Variants in CSMD1 observed in about 807,000 individuals in gnomAD.
The protein encoded by CSMD1 is CUB and Sushi multiple domains 1.
A neutral mutation model predicts 417.5 loss-of-function variants in CSMD1; 213 were observed. The observed-to-expected ratio is 0.51, with a 90% CI of 0.46 to 0.57. The LOEUF is 0.57. CSMD1 is among the 20% of genes least tolerant of loss of function. The probability of loss-of-function intolerance (pLI) is 0.00; values close to 1 mark genes in which losing one functional copy is unlikely to be tolerated. For missense variants in CSMD1, 6,923 were observed against 4,529.7 expected, an observed-to-expected ratio of 1.53 and a Z score of -15.17; for synonymous variants, 2,862 against 1,736.8, an observed-to-expected ratio of 1.65 and a Z score of -16.11.
chr8:4,834,487 A>T (rs114599091), intron 1 of CSMD1, among the ~76,000 whole-genome samples: 2,069 of 152,290 alleles, frequency 0.014, 37 homozygotes, highest in African/African-American at 0.047. Context: ...CAGGCAGTGA[A>T]GTTCGAGCTG....
intron 7 of CSMD1, among the ~76,000 whole-genome samples, chr8:3,689,090 A>G (rs1754733844): frequency 1.3e-5 from 2 of 152,192 alleles, no homozygotes; most frequent in African/African-American, 4.8e-5. Context: ...CCAACTCATC[A>G]TAAAATGAGA....
In CSMD1 at chr8:3,391,663, A is replaced by C. The variant is rs190303008; in HGVS notation, c.2594-3981T>G. On this transcript the variant is annotated intron_variant, in intron 17 of 69. Coordinates refer to ENST00000635120, the MANE Select transcript of CSMD1 (RefSeq NM_033225.6). ...CTCAAAAAAATGACTTCAACCTTTGAGCCACACAATTCAGAAAGGCCTTCT... is the reference window on the plus strand; with the variant it reads ...CTCAAAAAAATGACTTCAACCTTTGCGCCACACAATTCAGAAAGGCCTTCT... Among the ~76,000 whole-genome samples, 215 of 152,298 alleles carry C rather than the reference A, an allele frequency of 1.4e-3. 1 individual carries two copies. Among genetic ancestry groups the C allele is most frequent in the Middle Eastern group, 6.8e-3 (2 of 292 alleles).
At chr8:4,338,660 G>T (rs964392727) in intron 3 of CSMD1, among the ~76,000 whole-genome samples, 2 of 151,994 alleles carry the variant, frequency 1.3e-5, no homozygotes, top group African/African-American at 4.8e-5. Context: ...TGTGCTCACG[G>T]GTGAGTCAGA....
intron 3 of CSMD1, among the ~76,000 whole-genome samples, chr8:4,204,069 C>T (rs1030979822): frequency 4.6e-5 from 7 of 152,102 alleles, no homozygotes; most frequent in Non-Finnish European, 8.8e-5. Context: ...CCACTGTACT[C>T]CAGCCTGGGT....
chr8:2,955,019 C>G (rs1468300677), intron 64 of CSMD1, among the ~76,000 whole-genome samples: 1 of 152,194 alleles, frequency 6.6e-6, no homozygotes, highest in Non-Finnish European at 1.5e-5. Flanking sequence ...ATCGTCAAAT[C>G]TGACCCAGGC....
At chr8:3,938,825 A>G (rs1006924243) in intron 5 of CSMD1, among the ~76,000 whole-genome samples, 1 of 152,166 alleles carries the variant, frequency 6.6e-6, no homozygotes, top group African/African-American at 2.4e-5. Context: ...TTTAGCTAAC[A>G]TATCTTTATT....
intron 1 of CSMD1, among the ~76,000 whole-genome samples, chr8:4,658,878 T>C (rs1451155069): frequency 6.6e-6 from 1 of 152,144 alleles, no homozygotes. Flanking sequence ...TCTAGAGCTA[T>C]ATAGGAGCAC....
intron 12 of CSMD1, among the ~76,000 whole-genome samples, chr8:3,415,967 T>C (rs778925449): frequency 6.6e-6 from 1 of 152,190 alleles, no homozygotes; most frequent in East Asian, 1.9e-4. Context: ...GAGTAGCCAC[T>C]AGCTACAGTG....
chr8:3,661,777 C>A (rs1435786834), intron 7 of CSMD1, among the ~76,000 whole-genome samples: 4 of 152,104 alleles, frequency 2.6e-5, no homozygotes, highest in African/African-American at 9.6e-5. Context: ...GGTGACAGGC[C>A]TGAGCCACCA....
At chr8:3,031,253 G>T (rs1371389503) in intron 50 of CSMD1, among the ~76,000 whole-genome samples, 1 of 141,206 alleles carries the variant, frequency 7.1e-6, no homozygotes, top group African/African-American at 2.6e-5. Context: ...TCATAGGTGG[G>T]AATTGAACAA....
intron 12 of CSMD1, among the ~76,000 whole-genome samples, chr8:3,427,187 T>A (rs1813899903): frequency 6.6e-6 from 1 of 152,180 alleles, no homozygotes. Flanking sequence ...GGGTGCAGAC[T>A]CAGCCAAACT....
At chr8:3,618,700 C>T (rs111837529) in intron 7 of CSMD1, among the ~76,000 whole-genome samples, 30 of 152,136 alleles carry the variant, frequency 2.0e-4, no homozygotes, top group African/African-American at 5.8e-4. Flanking sequence ...TTTACAGGAG[C>T]GCTAAATGAC....
At chr8:4,987,605 T>C (rs899552819) in intron 1 of CSMD1, among the ~76,000 whole-genome samples, 11 of 152,212 alleles carry the variant, frequency 7.2e-5, no homozygotes, top group Admixed American at 1.3e-4. Context: ...CTGACTGATA[T>C]TTTATATAAT....
intron 1 of CSMD1, among the ~76,000 whole-genome samples, chr8:4,937,784 G>T (rs373044461): frequency 4.7e-5 from 7 of 149,530 alleles, no homozygotes; most frequent in African/African-American, 1.7e-4. Context: ...AGTGGCGCGT[G>T]CACACACACA....
chr8:4,758,215 C>T (rs984849174), intron 1 of CSMD1, among the ~76,000 whole-genome samples: 14 of 152,030 alleles, frequency 9.2e-5, no homozygotes, highest in African/African-American at 3.1e-4. Flanking sequence ...TGATGCTGTT[C>T]CTGTCTTTAT....
At chr8:4,925,538 T>TA (rs941812808) in intron 1 of CSMD1, among the ~76,000 whole-genome samples, 1 of 798 alleles carries the variant, frequency 1.3e-3, no homozygotes, top group Non-Finnish European at 0.02. Context: ...TGGCATTTTC[T>TA]TTTTTTTTTC....
At chr8:3,886,065 T>C (rs919141012) in intron 5 of CSMD1, among the ~76,000 whole-genome samples, 3 of 152,024 alleles carry the variant, frequency 2.0e-5, no homozygotes, top group African/African-American at 7.2e-5. Context: ...ATTATTATTT[T>C]TTTGAGACAG....
intron 41 of CSMD1, among the ~76,000 whole-genome samples, chr8:3,137,353 T>C (rs1818161955): frequency 6.6e-6 from 1 of 152,076 alleles, no homozygotes; most frequent in Non-Finnish European, 1.5e-5. Flanking sequence ...CTTCCGAAAA[T>C]GTATATGCAG....
chr8:4,874,886 T>C (rs1358824036), intron 1 of CSMD1, among the ~76,000 whole-genome samples: 1 of 139,638 alleles, frequency 7.2e-6, no homozygotes, highest in Non-Finnish European at 1.5e-5. Context: ...TAGTATAGAG[T>C]ATAGTGTATA....
Sources: allele counts gnomAD v4.1 joint callset (sites outside exome capture counted in the v4.1 genomes callset), GRCh38; gene constraint gnomAD v4.1.1; transcripts MANE v1.5; gene names NCBI Gene and HGNC (gene_info 2026-07-23, HGNC 2026-07-21).